WDR49: variants seen among roughly 807,000 people sequenced by gnomAD.
WDR49 encodes the protein cilia- and flagella-associated protein 337.
In WDR49, 107 loss-of-function variants were observed where a neutral mutation model predicts 119.5. The observed-to-expected ratio is 0.90, with a 90% confidence interval of 0.77 to 1.05. The LOEUF is 1.05. Ranked by LOEUF, WDR49 falls within the 50% of genes least tolerant of loss-of-function variation. The pLI is 0.00. For synonymous variants in WDR49, 425 were observed against 418.8 expected (o/e 1.01, Z -0.18); for missense variants, 1,240 against 1,220.5 (o/e 1.02, Z -0.24).
rs1438325929 is a variant in WDR49, at chr3:167,642,178, T to C, written c.165+11083A>G. ...AGATTTTTTAAACTCTAAAATTTAA[T>C]ATGTATATATACTAACCTAACCATG... On this transcript the variant is annotated intron_variant, in intron 2 of 18. Transcript: ENST00000682715. Among the ~76,000 whole-genome samples, 9 of 151,912 alleles carry C rather than the reference T, an allele frequency of 5.9e-5. No individual in the cohort carries two copies. In the South Asian group the frequency reaches 6.2e-4, roughly 10 times the overall value.
intron 5 of WDR49, among the ~76,000 whole-genome samples, chr3:167,611,279 T>A (rs1716323694): frequency 6.6e-6 from 1 of 152,166 alleles, no homozygotes; most frequent in African/African-American, 2.4e-5. Context: ...CTTAAAATAA[T>A]GGGTTATAAG....
chr3:167,595,151 T>C (rs1271359941), intron 7 of WDR49, among the ~76,000 whole-genome samples: 10 of 152,000 alleles, frequency 6.6e-5, no homozygotes, highest in African/African-American at 2.4e-4. Flanking sequence ...CTTAGGAATC[T>C]AACTTACAAG....
chr3:167,574,168 C>G (rs921610287), intron 8 of WDR49, among the ~76,000 whole-genome samples: 2 of 152,204 alleles, frequency 1.3e-5, no homozygotes, highest in Admixed American at 1.3e-4. Flanking sequence ...ATCATCAGCA[C>G]TATGGTTAGG....
chr3:167,571,673 G>A (rs1359011643), intron 8 of WDR49, among the ~76,000 whole-genome samples: 1 of 152,124 alleles, frequency 6.6e-6, no homozygotes, highest in Non-Finnish European at 1.5e-5. Flanking sequence ...ATGTTACAGA[G>A]CCTTGTTTAC....
chr3:167,644,848 A>T (rs1718042017), intron 2 of WDR49, among the ~76,000 whole-genome samples: 1 of 152,080 alleles, frequency 6.6e-6, no homozygotes. Flanking sequence ...TCTTTTTAAT[A>T]TTTGCCAATC....
intron 17 of WDR49, among the ~76,000 whole-genome samples, chr3:167,501,171 G>T (rs1400869726): frequency 6.6e-6 from 1 of 152,150 alleles, no homozygotes; most frequent in South Asian, 2.1e-4. Context: ...TGATGCTTAC[G>T]GTGCTAGGCC....
rs1256266312 is a variant in WDR49, at chr3:167,627,003, G to C, written c.455C>G (p.Ser152Ter). 2.3e-6 allele frequency: 3 copies of C among 1,327,728 alleles called. No individual in the cohort carries two copies. The highest frequency in any genetic ancestry group is 1.5e-5 in the African/African-American group (1 of 66,686). 82.2% of individuals were successfully genotyped at this position (1,327,728 alleles called of 1,614,324 possible). Reference sequence around the variant, plus strand: ...TTTACTAATTGTCAGATAATGACTTGAATTTTTTAAGAAAATTACTTTTTG... The same window carrying C: ...TTTACTAATTGTCAGATAATGACTTCAATTTTTTAAGAAAATTACTTTTTG... ...TIQKVIFLKN[S>*]SHYLTISKEG... is the part of the protein sequence containing the mutation. The change falls in exon 3 of 19, where the codon TCA becomes TGA. Residue 152 changes from serine to a stop codon, truncating the protein, a stop_gained. Coordinates refer to ENST00000682715, the MANE Select transcript of WDR49 (RefSeq NM_001366157.1). LOFTEE classifies it high-confidence loss of function.
chr3:167,645,660 A>T (rs1005804976), intron 2 of WDR49, among the ~76,000 whole-genome samples: 2 of 152,070 alleles, frequency 1.3e-5, no homozygotes, highest in African/African-American at 4.8e-5. Context: ...TTCTTGTACC[A>T]ACTCCAGTTG....
Position 167,479,009 on chromosome 3 carries a change from G to T in WDR49, c.3032-13C>A. On this transcript the variant is annotated splice_polypyrimidine_tract_variant and intron_variant, in intron 18 of 18. Coordinates refer to ENST00000682715, the MANE Select transcript of WDR49 (RefSeq NM_001366157.1). ...ACAGCTTTCAAAGCTACAAAATGATGAGGAAAATCACAAGTGAATTATATT... is the reference window on the plus strand; with the variant it reads ...ACAGCTTTCAAAGCTACAAAATGATTAGGAAAATCACAAGTGAATTATATT... 6.5e-7 allele frequency: 1 copy of T among 1,538,928 alleles called. No individual in the cohort carries two copies. The highest frequency in any genetic ancestry group is 8.9e-7 in the Non-Finnish European group (1 of 1,125,752).
At chr3:167,627,462 A>G (rs1489613775) in intron 2 of WDR49, among the ~76,000 whole-genome samples, 170 bp from the exon 3 acceptor site, 2 of 152,104 alleles carry the variant, frequency 1.3e-5, no homozygotes, top group African/African-American at 4.8e-5. Flanking sequence ...TAAACTGGGG[A>G]GCAAGTAACT....
chr3:167,529,476 A>G (rs1056260697), intron 13 of WDR49, among the ~76,000 whole-genome samples: 5 of 152,154 alleles, frequency 3.3e-5, no homozygotes, highest in Non-Finnish European at 7.4e-5. Flanking sequence ...CATTACGTTT[A>G]GTTCCCTTTT....
intron 7 of WDR49, among the ~76,000 whole-genome samples, chr3:167,577,857 GA>G (rs933989455): frequency 6.6e-6 from 1 of 151,754 alleles, no homozygotes; most frequent in Non-Finnish European, 1.5e-5. Context: ...ACTGCTTTGG[GA>G]AAAAAATCTA....
intron 2 of WDR49, among the ~76,000 whole-genome samples, chr3:167,635,084 A>C (rs1344180924): frequency 6.6e-6 from 1 of 151,784 alleles, no homozygotes; most frequent in Non-Finnish European, 1.5e-5. Context: ...AAAAATTTCA[A>C]TTATTCCCAA....
intron 16 of WDR49, among the ~76,000 whole-genome samples, chr3:167,506,762 G>A (rs1422605775): frequency 3.3e-5 from 5 of 152,108 alleles, no homozygotes; most frequent in East Asian, 3.9e-4. Context: ...TTTCTGTAAC[G>A]TCAACATTAT....
intron 16 of WDR49, 126 bp downstream of exon 16, chr3:167,522,189 A>T (rs1281839911): frequency 2.1e-6 from 2 of 964,022 alleles, no homozygotes; most frequent in Non-Finnish European, 2.9e-6. Flanking sequence ...CAATCCCCCA[A>T]ATTTTGGAGA....
intron 2 of WDR49, among the ~76,000 whole-genome samples, chr3:167,643,426 G>A (rs569084606): frequency 1.3e-5 from 2 of 152,178 alleles, no homozygotes; most frequent in African/African-American, 2.4e-5. Context: ...TTTATGTCAT[G>A]AAAGACAAGA....
At chr3:167,546,216 C>A (rs982279264) in intron 10 of WDR49, among the ~76,000 whole-genome samples, 3 of 151,846 alleles carry the variant, frequency 2.0e-5, no homozygotes, top group Non-Finnish European at 4.4e-5. Flanking sequence ...AGAATTAACA[C>A]CAAAAGCACA....
At chr3:167,545,970 T>C (rs1712166507) in intron 10 of WDR49, among the ~76,000 whole-genome samples, 1 of 151,774 alleles carries the variant, frequency 6.6e-6, no homozygotes, top group Admixed American at 6.6e-5. Context: ...TAATTTGAAG[T>C]TCCGAAATTG....
chr3:167,534,587 T>C (rs1170949437), intron 11 of WDR49, among the ~76,000 whole-genome samples: 1 of 152,150 alleles, frequency 6.6e-6, no homozygotes, highest in Non-Finnish European at 1.5e-5. Context: ...GTAAACCTCA[T>C]ATTGTAACAC....
Sources: gnomAD v4.1 joint callset for allele counts (sites outside exome capture counted in the v4.1 genomes callset) on GRCh38, gnomAD v4.1.1 for gene constraint, MANE v1.5 for transcripts, NCBI Gene and HGNC (gene_info 2026-07-23, HGNC 2026-07-21) for gene names.